Variants in FANCI observed in about 807,000 individuals in gnomAD.
FANCI encodes FA complementation group I.
In FANCI, 156 loss-of-function variants were observed where a neutral mutation model predicts 176.1. The ratio of observed to expected loss-of-function variants is 0.89; its 90% confidence interval spans 0.78 to 1.01. The LOEUF (loss-of-function observed/expected upper bound fraction) is 1.01. Ranked by LOEUF, FANCI falls within the 50% of genes least tolerant of loss-of-function variation. The probability of loss-of-function intolerance (pLI) is 0.00; values close to 1 mark genes in which losing one functional copy is unlikely to be tolerated. For synonymous variants in FANCI, 613 were observed against 541.7 expected (o/e 1.13, Z -1.83); for missense variants, 1,678 against 1,534.1 (o/e 1.09, Z -1.57).
At chr15:89,260,967 T>G in intron 4 of FANCI, 124 bp downstream of exon 4, 1 of 1,274,950 alleles carries the variant, frequency 7.8e-7, no homozygotes, top group Non-Finnish European at 1.1e-6. Flanking sequence ...GACCTGTTGT[T>G]AAAAAACAAA....
At chr15:89,302,686 G>C (rs1042326518) in intron 27 of FANCI, among the ~76,000 whole-genome samples, 3 of 151,600 alleles carry the variant, frequency 2.0e-5, no homozygotes, top group Non-Finnish European at 4.4e-5. Flanking sequence ...CCATTCTCCT[G>C]CCTCAGCCTC....
chr15:89,305,020 C>T, intron 28 of FANCI, 95 bp from the exon 29 acceptor site: 7 of 1,459,622 alleles, frequency 4.8e-6, no homozygotes, highest in Non-Finnish European at 6.6e-6. Context: ...AGGTGATCCA[C>T]CCGCCTTGGC....
At chr15:89,304,368 A>C (rs1412025395) in intron 28 of FANCI, among the ~76,000 whole-genome samples, 1 of 152,224 alleles carries the variant, frequency 6.6e-6, no homozygotes, top group Non-Finnish European at 1.5e-5. Flanking sequence ...CTTGGAGAGG[A>C]TCTCACAAAT....
At position 89,297,533 on chromosome 15, in the gene FANCI, C is replaced by T. The variant is rs578093071; in HGVS notation, c.2637-2267C>T. On this transcript the variant is annotated intron_variant, in intron 24 of 37. Coordinates refer to ENST00000310775, the MANE Select transcript of FANCI (RefSeq NM_001113378.2). ...CGGCACCTCGGGAGGCCGAGGCTGG[C>T]GGATCACTCGTGGTTAGGAGCTGGA... is the stretch of plus-strand genomic sequence containing the variant. Among the ~76,000 whole-genome samples, 313 of 152,254 alleles carry T rather than the reference C, an allele frequency of 2.1e-3. 1 individual carries two copies. Among genetic ancestry groups the T allele is most frequent in the Admixed American group, 5.0e-3 (77 of 15,298 alleles).
chr15:89,312,324 C>T (rs2054996541), intron 34 of FANCI, among the ~76,000 whole-genome samples: 1 of 152,248 alleles, frequency 6.6e-6, no homozygotes, highest in African/African-American at 2.4e-5. Context: ...GGCTGACCCA[C>T]TGCAGTAATA....
intron 9 of FANCI, 93 bp from the exon 10 acceptor site, chr15:89,268,306 A>G (rs968092607): frequency 2.9e-6 from 4 of 1,361,244 alleles, no homozygotes; most frequent in Admixed American, 1.7e-5. Context: ...CCTGGGATCA[A>G]GTGATGCGCC....
At position 89,305,341 on chromosome 15, in the gene FANCI, G is replaced by A; in HGVS notation, c.3187G>A (p.Asp1063Asn). The A allele has an allele frequency of 1.2e-6, 2 of 1,614,186 alleles. No individual in the cohort carries two copies. Among genetic ancestry groups the A allele is most frequent in the Non-Finnish European group, 1.7e-6 (2 of 1,180,032 alleles). ...GTCTCACCTCTCTTCTTTTCCCCAGGATGTAGAGGTGGAGAAAACAAACCA... is the reference window on the plus strand; with the variant it reads ...GTCTCACCTCTCTTCTTTTCCCCAGAATGTAGAGGTGGAGAAAACAAACCA... ...IHGHLGDIDQ[D>N]VEVEKTNHFA... Residue 1063 changes from aspartate (D) to asparagine (N), a missense_variant and splice_region_variant, in exon 30 of 38, where the codon GAT becomes AAT. This residue lies in a region of FANCI where 1,204 missense variants were observed against 1,077.4 expected (regional missense o/e 1.12). Transcript: ENST00000310775.
rs1482124822 is a variant in FANCI, at chr15:89,264,604, A to T, written c.752A>T (p.Asp251Val). The T allele has an allele frequency of 1.9e-6, 3 of 1,610,636 alleles. No individual in the cohort carries two copies. In the South Asian group the frequency reaches 3.3e-5, roughly 18 times the overall value. ...DKQHNEEQSG[D>V]ELLDVVTVPS... is the part of the protein sequence containing the mutation. ...CAGCACAATGAGGAACAGAGTGGTG[A>T]CGAGTGAGTAATATAGTGTAGAAAT... Residue 251 changes from aspartate (D) to valine (V), a missense_variant, in exon 9 of 38, where the codon GAC (aspartate) becomes GTC (valine). Asp to Val is a radical substitution (Grantham distance 152, BLOSUM62 -3). This residue lies in a region of FANCI where 469 missense variants were observed against 436.9 expected (regional missense o/e 1.07). Coordinates refer to ENST00000310775, the MANE Select transcript of FANCI (RefSeq NM_001113378.2).
rs1179707243 is a variant in FANCI at position 89,306,022 on chromosome 15, A to G, written c.3365A>G (p.Gln1122Arg). 1 of 1,614,076 alleles carries G rather than the reference A, an allele frequency of 6.2e-7. No homozygotes were observed. Among genetic ancestry groups the G allele is most frequent in the Admixed American group, 1.7e-5 (1 of 60,012 alleles). ...QETLSEEASS[Q>R]ATLPNQPVEK... ...TTCCCTTTAGAAGAGGCCTCTTCTC[A>G]GGCAACCCTACCAAATCAGCCTGTT... The change falls in exon 32 of 38, where the codon CAG (glutamine) becomes CGG (arginine). Residue 1122 changes from glutamine (Q) to arginine (R), a missense_variant. Physicochemically the swap from Gln to Arg is conservative, Grantham distance 43. Around this residue, in one of 3 missense-constraint regions of FANCI, gnomAD observed 1,204 missense variants for 1,077.4 expected, o/e 1.12. Transcript: ENST00000310775.
In FANCI at chr15:89,246,429, T is replaced by C. The variant is rs183703911; in HGVS notation, c.-19-1200T>C. Among the ~76,000 whole-genome samples, 539 of 152,338 alleles carry C rather than the reference T, an allele frequency of 3.5e-3. 6 individuals carry two copies. Among genetic ancestry groups the C allele is most frequent in the South Asian group, 0.016 (79 of 4,828 alleles). On this transcript the variant is annotated intron_variant, in intron 1 of 37. Coordinates refer to ENST00000310775, the MANE Select transcript of FANCI (RefSeq NM_001113378.2). ...GTCTTTTGCTCAAATTTTTTAATGG[T>C]TCTCAGTAATTTACGAAATAGAATC...
At chr15:89,311,184 G>A (rs184698122) in intron 34 of FANCI, among the ~76,000 whole-genome samples, 64 of 152,134 alleles carry the variant, frequency 4.2e-4, no homozygotes, top group African/African-American at 7.5e-4. Flanking sequence ...GCTTGAACCC[G>A]GGAGGTGGAG....
chr15:89,254,313 A>G (rs1319522041), intron 2 of FANCI, among the ~76,000 whole-genome samples: 2 of 152,228 alleles, frequency 1.3e-5, no homozygotes, highest in East Asian at 3.8e-4. Flanking sequence ...CTCTTCAGAG[A>G]AACGGATAAG....
intron 14 of FANCI, among the ~76,000 whole-genome samples, chr15:89,279,489 A>G (rs1237144491): frequency 1.3e-5 from 2 of 152,160 alleles, no homozygotes; most frequent in South Asian, 2.1e-4. Context: ...ATAACTCCTA[A>G]TGTCTAAATT....
Position 89,263,976 on chromosome 15 carries a change from C to T in FANCI, c.619C>T (p.Leu207Phe), listed in dbSNP as rs759515721. 6.2e-7 allele frequency: 1 copy of T among 1,614,080 alleles called. No homozygotes were observed. Among genetic ancestry groups the T allele is most frequent in the Non-Finnish European group, 8.5e-7 (1 of 1,179,946 alleles). ...ATTGAGCATGTTCTCCAAGATGAAT[C>T]TTCAAGAAATACCACCTTTGGTCTA... ...KALSMFSKMN[L>F]QEIPPLVYQL... Residue 207 changes from leucine to phenylalanine, a missense_variant, in exon 8 of 38, where the codon CTT becomes TTT. Transcript: ENST00000310775.
chr15:89,258,898 A>G (rs375921290), intron 3 of FANCI, 122 bp downstream of exon 3: 78 of 778,874 alleles, frequency 1.0e-4, no homozygotes, highest in Admixed American at 1.6e-4. Flanking sequence ...TGAGGATTCT[A>G]CAGAATCAAC....
intron 34 of FANCI, among the ~76,000 whole-genome samples, chr15:89,312,626 C>T (rs1258037919): frequency 1.4e-4 from 22 of 152,056 alleles, no homozygotes; most frequent in Admixed American, 1.4e-3. Flanking sequence ...TCGAGACCAG[C>T]CTGGCCAACA....
intron 31 of FANCI, 64 bp downstream of exon 31, chr15:89,305,762 C>T (rs74987530): frequency 1.5e-5 from 23 of 1,525,582 alleles, no homozygotes; most frequent in Middle Eastern, 3.5e-4. Context: ...CATATTGGGT[C>T]GGTGCATAAA....
At chr15:89,283,317 T>A in intron 17 of FANCI, 67 bp downstream of exon 17, 1 of 1,606,260 alleles carries the variant, frequency 6.2e-7, no homozygotes, top group African/African-American at 1.3e-5. Flanking sequence ...AAATGCACGC[T>A]GTTTTCTTTT....
At chr15:89,260,686 T>G in intron 3 of FANCI, 27 bp from the exon 4 acceptor site, 1 of 1,612,494 alleles carries the variant, frequency 6.2e-7, no homozygotes, top group Non-Finnish European at 8.5e-7. Context: ...AAGACTTGTT[T>G]CTGAACCCCC....
Sources: gnomAD v4.1 joint callset for allele counts (sites outside exome capture counted in the v4.1 genomes callset) on GRCh38, gnomAD v4.1.1 for gene constraint, gnomAD v4.1.1 regional missense constraint, MANE v1.5 for transcripts, NCBI Gene and HGNC (gene_info 2026-07-23, HGNC 2026-07-21) for gene names.